The following TMEM131L variants were observed in gnomAD, a reference collection of about 807,000 sequenced individuals.
The protein encoded by TMEM131L is transmembrane protein 131-like.
Under a neutral mutation model 192.2 loss-of-function variants are expected in TMEM131L, and 54 were observed. The ratio of observed to expected loss-of-function variants is 0.28; its 90% CI spans 0.23 to 0.35. TMEM131L has a LOEUF of 0.35. TMEM131L is among the 10% of genes least tolerant of loss of function. TMEM131L has a pLI of 1.00. For synonymous variants in TMEM131L, 701 were observed against 704.9 expected (o/e 0.99, Z 0.09); for missense variants, 1,888 against 1,972.9 (o/e 0.96, Z 0.82).
intron 7 of TMEM131L, among the ~76,000 whole-genome samples, chr4:153,563,466 T>G (rs1225524942): frequency 7.6e-6 from 1 of 131,926 alleles, no homozygotes; most frequent in Admixed American, 7.4e-5. Context: ...CTTTTTTTTT[T>G]TTTTTTTTTT....
intron 3 of TMEM131L, among the ~76,000 whole-genome samples, chr4:153,488,529 A>G (rs1192983823): frequency 6.6e-6 from 1 of 152,142 alleles, no homozygotes; most frequent in Admixed American, 6.5e-5. Context: ...GTTGTGTGCC[A>G]CTTACAGGGG....
chr4:153,564,166 G>A (rs1729035660), intron 7 of TMEM131L, among the ~76,000 whole-genome samples: 1 of 151,806 alleles, frequency 6.6e-6, no homozygotes, highest in Admixed American at 6.6e-5. Context: ...ATGCATGCCT[G>A]TAATCCTAGC....
Position 153,558,286 on chromosome 4 carries a change from C to T in TMEM131L, c.578C>T (p.Ser193Phe), listed in dbSNP as rs1481090537. The change falls in exon 7 of 35, where the codon TCT becomes TTT. Residue 193 changes from serine to phenylalanine, a missense_variant. Ser to Phe is a radical substitution (Grantham distance 155). Coordinates refer to ENST00000409959, the MANE Select transcript of TMEM131L (RefSeq NM_001131007.2). ...HVSGIGTRRI[S>F]TEGSAKQLPN... is the part of the protein sequence containing the mutation. The stretch of plus-strand genomic sequence containing the variant: ...TCTGGAATTGGCACTCGTAGAATCT[C>T]TACAGAAGGGTCTGCAAAGCAGCTA... 1.2e-6 allele frequency: 2 copies of T among 1,607,314 alleles called. No homozygotes were observed.
At chr4:153,602,995 T>C (rs1352134411) in intron 23 of TMEM131L, among the ~76,000 whole-genome samples, 1 of 152,182 alleles carries the variant, frequency 6.6e-6, no homozygotes, top group Non-Finnish European at 1.5e-5. Flanking sequence ...TGGTGGATGA[T>C]ATGAATGTTA....
intron 7 of TMEM131L, among the ~76,000 whole-genome samples, chr4:153,569,226 T>A (rs1201707688): frequency 6.6e-6 from 1 of 152,214 alleles, no homozygotes; most frequent in Non-Finnish European, 1.5e-5. Flanking sequence ...AATTACCTGT[T>A]AAGCCTGAGA....
At chr4:153,531,731 G>A (rs531068539) in intron 3 of TMEM131L, among the ~76,000 whole-genome samples, 2 of 152,246 alleles carry the variant, frequency 1.3e-5, no homozygotes, top group Admixed American at 6.5e-5. Flanking sequence ...TTTAAAATCC[G>A]GAAATGCCTC....
At chr4:153,562,394 A>G (rs1411182865) in intron 7 of TMEM131L, among the ~76,000 whole-genome samples, 1 of 152,222 alleles carries the variant, frequency 6.6e-6, no homozygotes, top group East Asian at 1.9e-4. Context: ...ATTTAAACCT[A>G]AGAAATAATT....
In TMEM131L at chr4:153,482,973, A is replaced by C. The variant is rs570604867; in HGVS notation, c.239+9085A>C. Among the ~76,000 whole-genome samples the C allele has an allele frequency of 2.3e-3, 351 of 152,248 alleles. 1 individual carries two copies. Among genetic ancestry groups the C allele is most frequent in the Admixed American group, 4.1e-3 (62 of 15,284 alleles). On this transcript the variant is annotated intron_variant, in intron 3 of 34. Transcript: ENST00000409959. ...TAGGTTCGTATTCATTTTTATCTTTATATTGAAAGGTTATTTGAACCTTTA... is the reference window on the plus strand; with the variant it reads ...TAGGTTCGTATTCATTTTTATCTTTCTATTGAAAGGTTATTTGAACCTTTA...
chr4:153,581,215 C>G (rs902136573), intron 8 of TMEM131L, among the ~76,000 whole-genome samples, 192 bp from the exon 9 acceptor site: 10 of 152,224 alleles, frequency 6.6e-5, no homozygotes, highest in Admixed American at 6.5e-4. Flanking sequence ...GATCGCACCA[C>G]TGCACTCCAG....
chr4:153,516,546 T>C (rs1180284317), intron 3 of TMEM131L, among the ~76,000 whole-genome samples: 1 of 152,146 alleles, frequency 6.6e-6, no homozygotes, highest in African/African-American at 2.4e-5. Context: ...TCGAATTCTT[T>C]ATACGTGAAG....
In TMEM131L at chr4:153,588,273, T is replaced by G. The variant is rs528143262; in HGVS notation, c.1552+462T>G. 8.7e-5 allele frequency among the ~76,000 whole-genome samples: 12 copies of G among 137,752 alleles called. No homozygotes were observed. The East Asian group carries it at 1.0e-3, about 11-fold the overall frequency. 90.4% of individuals were successfully genotyped at this position (137,752 alleles called of 152,430 possible). A position where few individuals can be genotyped will look rare whatever the true frequency, so the allele number is the denominator to read the frequency against. Reference sequence around the variant, plus strand: ...TGTACAAGCTGTTTCTTGTTTTGAGTTTTTTTTTTTGTTTTTTTTGTCTTT... The same window carrying G: ...TGTACAAGCTGTTTCTTGTTTTGAGGTTTTTTTTTTGTTTTTTTTGTCTTT... On this transcript the variant is annotated intron_variant, in intron 15 of 34. Coordinates refer to ENST00000409959, the MANE Select transcript of TMEM131L (RefSeq NM_001131007.2).
chr4:153,631,391 A>G (rs1449418207), intron 31 of TMEM131L, among the ~76,000 whole-genome samples: 1 of 152,214 alleles, frequency 6.6e-6, no homozygotes, highest in Non-Finnish European at 1.5e-5. Flanking sequence ...GCCTCTTTGC[A>G]TGAGTTCCCC....
At chr4:153,631,086 A>G (rs951561845) in intron 31 of TMEM131L, among the ~76,000 whole-genome samples, 7 of 152,184 alleles carry the variant, frequency 4.6e-5, no homozygotes, top group African/African-American at 1.7e-4. Context: ...TGTGAGAACC[A>G]CTTTGGGTTC....
At chr4:153,501,539 C>T (rs1040297893) in intron 3 of TMEM131L, among the ~76,000 whole-genome samples, 6 of 152,084 alleles carry the variant, frequency 3.9e-5, no homozygotes, top group Non-Finnish European at 8.8e-5. Flanking sequence ...TGAGTAAAGC[C>T]TCTACTGTAT....
At chr4:153,622,419 T>C (rs2241840) in intron 28 of TMEM131L, among the ~76,000 whole-genome samples, 75,406 of 152,136 alleles carry the variant, frequency 0.5, 20,617 homozygotes, top group Non-Finnish European at 0.62. Flanking sequence ...GCCAGCACAC[T>C]TAGCTGGTTT....
At chr4:153,524,967 C>G (rs753395842) in intron 3 of TMEM131L, among the ~76,000 whole-genome samples, 3 of 152,112 alleles carry the variant, frequency 2.0e-5, no homozygotes, top group Non-Finnish European at 4.4e-5. Context: ...TAGGAATGTT[C>G]CATGGAGGTA....
intron 3 of TMEM131L, among the ~76,000 whole-genome samples, chr4:153,543,472 G>A (rs947087250): frequency 1.3e-5 from 2 of 152,112 alleles, no homozygotes; most frequent in Non-Finnish European, 2.9e-5. Context: ...GTTTTTCAAG[G>A]AAGGCCCTAA....
intron 3 of TMEM131L, among the ~76,000 whole-genome samples, chr4:153,513,335 G>A (rs1019823874): frequency 1.3e-5 from 2 of 152,188 alleles, no homozygotes; most frequent in Non-Finnish European, 2.9e-5. Flanking sequence ...TACTCAGTAG[G>A]ATAGGAGCTC....
chr4:153,568,189 G>C (rs1008538324), intron 7 of TMEM131L, among the ~76,000 whole-genome samples: 6 of 152,184 alleles, frequency 3.9e-5, no homozygotes, highest in African/African-American at 1.2e-4. Flanking sequence ...CTTGGGAAGA[G>C]GGGAGGTAGA....
Sources: gnomAD v4.1 joint callset for allele counts (sites outside exome capture counted in the v4.1 genomes callset) on GRCh38, gnomAD v4.1.1 for gene constraint, MANE v1.5 for transcripts, NCBI Gene and HGNC (gene_info 2026-07-23, HGNC 2026-07-21) for gene names.